Variants in PTPRD observed in about 807,000 individuals in gnomAD.
The protein encoded by PTPRD is receptor-type tyrosine-protein phosphatase delta.
Under a neutral mutation model 214.5 loss-of-function variants are expected in PTPRD, and 34 were observed. The ratio of observed to expected loss-of-function variants is 0.16; its 90% CI spans 0.12 to 0.21. The LOEUF (loss-of-function observed/expected upper bound fraction) is 0.21. PTPRD is among the 10% of genes least tolerant of loss of function. The pLI, the probability that PTPRD is intolerant of heterozygous loss-of-function variation, is 1.00. For missense variants in PTPRD, 2,545 were observed against 2,398.7 expected (o/e 1.06, Z -1.27); for synonymous variants, 1,128 against 845.7 (o/e 1.33, Z -5.79).
At chr9:9,527,254 A>G (rs1270590486) in intron 8 of PTPRD, among the ~76,000 whole-genome samples, 5 of 152,206 alleles carry the variant, frequency 3.3e-5, no homozygotes, top group East Asian at 1.9e-4. Context: ...AGTATCACCT[A>G]TAAGTGTCTG....
chr9:9,720,079 C>G (rs997230011), intron 7 of PTPRD, among the ~76,000 whole-genome samples: 4 of 152,170 alleles, frequency 2.6e-5, no homozygotes, highest in African/African-American at 9.7e-5. Flanking sequence ...GTGGGTGAAA[C>G]TAGCCCAGCA....
chr9:10,517,490 A>G (rs189277573), intron 2 of PTPRD, among the ~76,000 whole-genome samples: 69 of 152,182 alleles, frequency 4.5e-4, no homozygotes, highest in African/African-American at 1.5e-3. Context: ...TTTTCTACAC[A>G]TAAGATCATG....
intron 9 of PTPRD, among the ~76,000 whole-genome samples, chr9:9,307,586 G>A (rs1324050985): frequency 6.6e-6 from 1 of 152,016 alleles, no homozygotes; most frequent in African/African-American, 2.4e-5. Flanking sequence ...TCTAACTACT[G>A]TTGCTTTAGG....
intron 2 of PTPRD, among the ~76,000 whole-genome samples, chr9:10,603,810 G>T: frequency 6.6e-6 from 1 of 151,760 alleles, no homozygotes; most frequent in East Asian, 1.9e-4. Context: ...AGATCATAGT[G>T]ACCTTGAAAC....
At chr9:9,849,231 C>T (rs1308007342) in intron 5 of PTPRD, among the ~76,000 whole-genome samples, 3 of 151,868 alleles carry the variant, frequency 2.0e-5, no homozygotes, top group Admixed American at 6.6e-5. Context: ...CAAAGGATCA[C>T]GCTGTAGAGA....
intron 8 of PTPRD, among the ~76,000 whole-genome samples, chr9:9,534,579 G>A (rs1181669593): frequency 4.0e-5 from 6 of 151,896 alleles, no homozygotes; most frequent in African/African-American, 1.5e-4. Flanking sequence ...TTAACTTCAG[G>A]TTCTAAATAA....
rs183719987 is a variant in PTPRD, at chr9:9,287,190, A to C, written c.-202-103827T>G. Reference sequence around the variant, plus strand: ...CATTGAGCGGAGATCACATCACTGCACTCCAACCTGGGCAACAGAACAAGA... The same window carrying C: ...CATTGAGCGGAGATCACATCACTGCCCTCCAACCTGGGCAACAGAACAAGA... On this transcript the variant is annotated intron_variant, in intron 9 of 45. Coordinates refer to ENST00000381196, the MANE Select transcript of PTPRD (RefSeq NM_002839.4). 3.3e-3 allele frequency among the ~76,000 whole-genome samples: 493 copies of C among 151,504 alleles called. 2 individuals carry two copies. Among genetic ancestry groups the C allele is most frequent in the Non-Finnish European group, 4.9e-3 (329 of 67,800 alleles).
chr9:10,105,511 C>T (rs1033800134), intron 3 of PTPRD, among the ~76,000 whole-genome samples: 2 of 151,776 alleles, frequency 1.3e-5, no homozygotes, highest in African/African-American at 2.4e-5. Context: ...CTACTTTCTA[C>T]GAATTTCTAT....
chr9:8,924,329 C>T (rs908101163), intron 11 of PTPRD, among the ~76,000 whole-genome samples: 5 of 152,064 alleles, frequency 3.3e-5, no homozygotes, highest in Non-Finnish European at 5.9e-5. Flanking sequence ...CTCAATAGTT[C>T]CTCAGCTCTC....
At chr9:8,850,053 G>A (rs978629580) in intron 11 of PTPRD, among the ~76,000 whole-genome samples, 1 of 152,210 alleles carries the variant, frequency 6.6e-6, no homozygotes, top group African/African-American at 2.4e-5. Flanking sequence ...AAGAGATAGG[G>A]ATGACACCAA....
chr9:9,493,736 C>T (rs71497143), intron 8 of PTPRD, among the ~76,000 whole-genome samples: 11,745 of 138,000 alleles, frequency 0.085, 600 homozygotes, highest in South Asian at 0.16. Context: ...TGCAGTGAGC[C>T]GAGATCATGC....
At chr9:8,731,872 C>T (rs993215569) in intron 12 of PTPRD, among the ~76,000 whole-genome samples, 2 of 152,182 alleles carry the variant, frequency 1.3e-5, no homozygotes, top group African/African-American at 4.8e-5. Context: ...CAAAGCTAAT[C>T]AAAATTGATT....
chr9:10,217,835 T>C (rs753089915), intron 3 of PTPRD, among the ~76,000 whole-genome samples: 15 of 151,976 alleles, frequency 9.9e-5, no homozygotes, highest in Middle Eastern at 6.8e-3. Flanking sequence ...GAAAAACCTA[T>C]GCTTAAGAAA....
chr9:9,477,257 T>G (rs1434100504), intron 8 of PTPRD, among the ~76,000 whole-genome samples: 1 of 152,192 alleles, frequency 6.6e-6, no homozygotes, highest in African/African-American at 2.4e-5. Context: ...CTACCTTCAG[T>G]TCTGATGTGT....
intron 11 of PTPRD, among the ~76,000 whole-genome samples, chr9:8,763,105 T>C (rs558787968): frequency 6.6e-6 from 1 of 152,194 alleles, no homozygotes; most frequent in Non-Finnish European, 1.5e-5. Context: ...GCTTTTTGGA[T>C]GCTCTGCCAA....
intron 12 of PTPRD, among the ~76,000 whole-genome samples, chr9:8,721,741 T>G (rs1159412086): frequency 6.6e-6 from 1 of 152,222 alleles, no homozygotes; most frequent in East Asian, 1.9e-4. Context: ...TAAGGCAATC[T>G]GCTTCTGGTT....
At chr9:9,808,090 T>A (rs768688616) in intron 5 of PTPRD, among the ~76,000 whole-genome samples, 45 of 152,290 alleles carry the variant, frequency 3.0e-4, no homozygotes, top group Non-Finnish European at 5.7e-4. Flanking sequence ...ATATATGAGA[T>A]TATGAATCCT....
chr9:9,567,301 A>G (rs1051510629), intron 8 of PTPRD, among the ~76,000 whole-genome samples: 1 of 151,912 alleles, frequency 6.6e-6, no homozygotes, highest in Non-Finnish European at 1.5e-5. Flanking sequence ...TTGAGAGAAC[A>G]GGATGGGTGA....
intron 4 of PTPRD, among the ~76,000 whole-genome samples, chr9:9,939,291 C>T (rs1315232273): frequency 1.3e-5 from 2 of 152,144 alleles, no homozygotes; most frequent in Non-Finnish European, 2.9e-5. Flanking sequence ...ACAAATAGAG[C>T]TACTGACCTT....
Sources: gnomAD v4.1 joint callset for allele counts (sites outside exome capture counted in the v4.1 genomes callset) on GRCh38, gnomAD v4.1.1 for gene constraint, MANE v1.5 for transcripts, NCBI Gene and HGNC (gene_info 2026-07-23, HGNC 2026-07-21) for gene names.